The following TNFSF4 variants were observed in gnomAD, a reference collection of about 807,000 sequenced individuals.
The protein encoded by TNFSF4 is TNF superfamily member 4.
In TNFSF4, 4 loss-of-function variants were observed where a neutral mutation model predicts 7.3. The observed-to-expected ratio is 0.55, with a 90% CI of 0.27 to 1.25. The LOEUF (loss-of-function observed/expected upper bound fraction) is 1.25. Ranked by LOEUF, TNFSF4 falls within the 50% of genes most tolerant of loss-of-function variation. TNFSF4 has a pLI of 0.12. For synonymous variants in TNFSF4, 76 were observed against 83.7 expected (o/e 0.91, Z 0.50); for missense variants, 181 against 208.8 (o/e 0.87, Z 0.82).
At chr1:173,208,981 A>C (rs142316134), upstream of TNFSF4, among the ~76,000 whole-genome samples, 1 of 152,314 alleles carries the variant, frequency 6.6e-6, no homozygotes, top group Non-Finnish European at 1.5e-5. Context: ...ATAAACATTT[A>C]CCATGCACAT....
chr1:173,262,331 C>T, the TNFSF4 span, among the ~76,000 whole-genome samples: 1 of 152,258 alleles, frequency 6.6e-6, no homozygotes, highest in South Asian at 2.1e-4. Flanking sequence ...GAACATACCT[C>T]AAAATAGTAA....
chr1:173,297,684 C>T, the TNFSF4 span, among the ~76,000 whole-genome samples: 974 of 152,024 alleles, frequency 6.4e-3, 9 homozygotes, highest in African/African-American at 0.022. Context: ...GCAGCCCACA[C>T]TGGTTTCTTG....
chr1:173,386,210 C>T, the TNFSF4 span, among the ~76,000 whole-genome samples: 1 of 152,226 alleles, frequency 6.6e-6, no homozygotes, highest in African/African-American at 2.4e-5. Context: ...CTGTTCCCCA[C>T]ATTCTGGTGC....
downstream of TNFSF4, among the ~76,000 whole-genome samples, chr1:173,181,654 G>T (rs1356425777): frequency 6.6e-6 from 1 of 152,158 alleles, no homozygotes; most frequent in African/African-American, 2.4e-5. Context: ...CTCCCTGAAT[G>T]CTACTCCAGT....
chr1:173,400,642 G>A, the TNFSF4 span, among the ~76,000 whole-genome samples: 2 of 152,210 alleles, frequency 1.3e-5, no homozygotes, highest in African/African-American at 4.8e-5. Flanking sequence ...TGACTGGGGT[G>A]ATTGATCTTT....
the TNFSF4 span, among the ~76,000 whole-genome samples, chr1:173,219,965 G>A: frequency 1.3e-5 from 2 of 151,728 alleles, no homozygotes; most frequent in Non-Finnish European, 2.9e-5. Context: ...TCGGGTGATG[G>A]GTGCACCAAA....
the TNFSF4 span, among the ~76,000 whole-genome samples, chr1:173,405,841 T>C: frequency 1.3e-5 from 2 of 152,378 alleles, no homozygotes; most frequent in African/African-American, 4.8e-5. Flanking sequence ...GATTTTATTA[T>C]TGTTTAAAAA....
At chr1:173,362,495 G>C in the TNFSF4 span, 1 of 541,746 alleles carries the variant, frequency 1.8e-6, no homozygotes, top group African/African-American at 1.9e-5. Context: ...AGCTGGGCTT[G>C]GTATTTTCAA....
At chr1:173,415,874 C>T in the TNFSF4 span, among the ~76,000 whole-genome samples, 3 of 152,066 alleles carry the variant, frequency 2.0e-5, no homozygotes. Context: ...AGTATTTTTG[C>T]CTAAATGTGC....
At chr1:173,291,879 T>G in the TNFSF4 span, among the ~76,000 whole-genome samples, 1 of 151,826 alleles carries the variant, frequency 6.6e-6, no homozygotes, top group Non-Finnish European at 1.5e-5. Flanking sequence ...CCTAGGCTAT[T>G]AAACAAACTA....
intron 1 of TNFSF4, chr1:173,205,722 G>T: frequency 2.8e-6 from 1 of 354,440 alleles, no homozygotes; most frequent in Non-Finnish European, 4.0e-6. Context: ...GCATCCGGTC[G>T]ATGTCTTGGG....
the TNFSF4 span, among the ~76,000 whole-genome samples, chr1:173,239,844 A>C: frequency 6.6e-6 from 1 of 152,172 alleles, no homozygotes; most frequent in African/African-American, 2.4e-5. Flanking sequence ...TAGCCTGGCC[A>C]ACATGATGAA....
downstream of TNFSF4, among the ~76,000 whole-genome samples, chr1:173,181,437 T>C (rs1488870247): frequency 1.3e-5 from 2 of 152,200 alleles, no homozygotes; most frequent in Non-Finnish European, 1.5e-5. Context: ...GCTAAAAGTC[T>C]GTGTTTCCGC....
At position 173,186,424 on chromosome 1, in the gene TNFSF4, G is replaced by A. The variant is rs573129159; in HGVS notation, c.*92C>T. The stretch of plus-strand genomic sequence containing the variant: ...ACATCCCACGTGGCTGAGCTGGGAG[G>A]CTCCTTCACTTGCAATGAAGAATCC... On this transcript the variant is annotated 3_prime_UTR_variant, in exon 3 of 3. Transcript: ENST00000281834. The A allele has an allele frequency of 2.9e-5, 31 of 1,057,492 alleles. No homozygotes were observed. The East Asian group carries it at 7.3e-4, about 25-fold the overall frequency. The allele number at this position is 1,057,492 out of a possible 1,614,324, so 65.5% of individuals were successfully genotyped here.
the TNFSF4 span, among the ~76,000 whole-genome samples, chr1:173,371,270 G>A: frequency 2.6e-5 from 4 of 152,186 alleles, no homozygotes; most frequent in African/African-American, 9.7e-5. Flanking sequence ...CACCTCCTCA[G>A]TTGTAATTGA....
intron 1 of TNFSF4, among the ~76,000 whole-genome samples, chr1:173,194,024 CA>C (rs1448584514): frequency 6.6e-6 from 1 of 152,172 alleles, no homozygotes; most frequent in African/African-American, 2.4e-5. Context: ...CTGGGTAGAT[CA>C]AGGAATCTTC....
At chr1:173,346,503 T>C in the TNFSF4 span, among the ~76,000 whole-genome samples, 76 of 152,278 alleles carry the variant, frequency 5.0e-4, no homozygotes, top group African/African-American at 1.8e-3. Flanking sequence ...TGAAGTTACA[T>C]AGCACTTTAC....
chr1:173,273,977 T>G, the TNFSF4 span, among the ~76,000 whole-genome samples: 2 of 152,096 alleles, frequency 1.3e-5, no homozygotes, highest in Admixed American at 6.6e-5. Flanking sequence ...AAGTGAGATA[T>G]TACTTATAGC....
At chr1:173,258,401 C>T in the TNFSF4 span, among the ~76,000 whole-genome samples, 1 of 152,034 alleles carries the variant, frequency 6.6e-6, no homozygotes, top group East Asian at 1.9e-4. Context: ...AGCTCTCATC[C>T]CCAGCCAAAG....
Sources: gnomAD v4.1 joint callset for allele counts (sites outside exome capture counted in the v4.1 genomes callset) on GRCh38, gnomAD v4.1.1 for gene constraint, MANE v1.5 for transcripts, NCBI Gene and HGNC (gene_info 2026-07-23, HGNC 2026-07-21) for gene names.